The following CRHR1 variants were observed in gnomAD, a reference collection of about 807,000 sequenced individuals.
CRHR1 encodes the protein corticotropin releasing hormone receptor 1, also known as corticotropin-releasing hormone receptor 1.
Under a neutral mutation model 56.0 loss-of-function variants are expected in CRHR1, and 28 were observed. The ratio of observed to expected loss-of-function variants is 0.50; its 90% CI spans 0.37 to 0.69. The LOEUF (loss-of-function observed/expected upper bound fraction) is 0.69. CRHR1 is among the 30% of genes least tolerant of loss of function. The probability of loss-of-function intolerance (pLI) is 0.00; values close to 1 mark genes in which losing one functional copy is unlikely to be tolerated. For synonymous variants in CRHR1, 195 were observed against 216.5 expected, an observed-to-expected ratio of 0.90 and a Z score of 0.87; for missense variants, 376 against 548.0, an observed-to-expected ratio of 0.69 and a Z score of 3.13.
intron 1 of CRHR1, among the ~76,000 whole-genome samples, chr17:45,794,360 G>C (rs376029045): frequency 6.6e-6 from 1 of 152,328 alleles, no homozygotes; most frequent in East Asian, 1.9e-4. Flanking sequence ...TTGACCAGTC[G>C]GACCAGTCCT....
rs750973810 is a variant in CRHR1 at position 45,835,110 on chromosome 17, G to C, written c.*346G>C. On this transcript the variant is annotated 3_prime_UTR_variant, in exon 13 of 13. Coordinates refer to ENST00000314537, the MANE Select transcript of CRHR1 (RefSeq NM_004382.5). Reference sequence around the variant, plus strand: ...CTGTCTTCTCCCAGAGCACAAGAAGGCCAGCCCACTGGGCCCTGGGGCTGC... The same window carrying C: ...CTGTCTTCTCCCAGAGCACAAGAAGCCCAGCCCACTGGGCCCTGGGGCTGC... The C allele has an allele frequency of 1.4e-5, 4 of 289,828 alleles. No individual in the cohort carries two copies. Among genetic ancestry groups the C allele is most frequent in the Non-Finnish European group, 2.6e-5 (4 of 155,444 alleles). The allele number at this position is 289,828 out of a possible 1,614,324, so 18.0% of individuals were successfully genotyped here.
intron 1 of CRHR1, among the ~76,000 whole-genome samples, chr17:45,804,676 A>G (rs2061687900): frequency 6.6e-6 from 1 of 152,032 alleles, no homozygotes; most frequent in African/African-American, 2.4e-5. Flanking sequence ...TCCAGGGAAG[A>G]GAGGATGGAC....
In CRHR1 at chr17:45,833,545, G is replaced by A; in HGVS notation, c.929+8G>A. 6.2e-7 allele frequency: 1 copy of A among 1,613,518 alleles called. No individual in the cohort carries two copies. Among genetic ancestry groups the A allele is most frequent in the Non-Finnish European group, 8.5e-7 (1 of 1,179,680 alleles). ...TGAGACCATTCAGTACAGGTAACCG[G>A]GTACCACCTTCCTCAGGCCTCCCCC... On this transcript the variant is annotated splice_region_variant and intron_variant, in intron 10 of 12. Coordinates refer to ENST00000314537, the MANE Select transcript of CRHR1 (RefSeq NM_004382.5).
At chr17:45,833,693 T>TGGGGGGGGGGGGGCC in intron 10 of CRHR1, 21 bp from the exon 11 acceptor site, 13 of 1,571,586 alleles carry the variant, frequency 8.3e-6, no homozygotes, top group East Asian at 2.3e-5. Flanking sequence ...ACTCCGAGCC[T>TGGGGGGGGGGGGGCC]CCCCACCCGC....
intron 1 of CRHR1, among the ~76,000 whole-genome samples, chr17:45,787,982 G>T (rs2146250973): frequency 6.6e-6 from 1 of 152,368 alleles, no homozygotes; most frequent in South Asian, 2.1e-4. Flanking sequence ...ATAGAGAGGA[G>T]TGTGTAGATT....
intron 1 of CRHR1, among the ~76,000 whole-genome samples, chr17:45,795,151 G>T (rs995965720): frequency 6.6e-6 from 1 of 152,148 alleles, no homozygotes; most frequent in Non-Finnish European, 1.5e-5. Context: ...CCACCAGTCC[G>T]CTGCCTTCAG....
intron 1 of CRHR1, among the ~76,000 whole-genome samples, chr17:45,798,421 G>A (rs1392013746): frequency 6.6e-6 from 1 of 151,974 alleles, no homozygotes; most frequent in East Asian, 1.9e-4. Context: ...AGCTACTCAG[G>A]AGGCTGAGGC....
rs1320623279 is a variant in CRHR1, at chr17:45,815,367, C to T, written c.122-1096C>T. Among the ~76,000 whole-genome samples, 7 of 152,320 alleles carry T rather than the reference C, an allele frequency of 4.6e-5. No homozygotes were observed. The East Asian group carries it at 1.4e-3, about 29-fold the overall frequency. The stretch of plus-strand genomic sequence containing the variant: ...CCCTTTGGAGGCCATATCCACCCTC[C>T]CCTCCTGAAGTGTCACTGGGCCTCA... On this transcript the variant is annotated intron_variant, in intron 2 of 12. Coordinates refer to ENST00000314537, the MANE Select transcript of CRHR1 (RefSeq NM_004382.5).
chr17:45,790,329 G>A (rs1227720129), intron 1 of CRHR1, among the ~76,000 whole-genome samples: 3 of 152,224 alleles, frequency 2.0e-5, no homozygotes, highest in Admixed American at 6.5e-5. Flanking sequence ...TTCTGAGTAT[G>A]TGGTATCCGC....
At chr17:45,833,693 T>TGGGGGGGGCCCCCCCCCC in intron 10 of CRHR1, 21 bp from the exon 11 acceptor site, 2 of 1,571,612 alleles carry the variant, frequency 1.3e-6, no homozygotes, top group Non-Finnish European at 1.7e-6. Flanking sequence ...ACTCCGAGCC[T>TGGGGGGGGCCCCCCCCCC]CCCCACCCGC....
chr17:45,810,353 G>A (rs2061799076), intron 2 of CRHR1, among the ~76,000 whole-genome samples: 1 of 152,176 alleles, frequency 6.6e-6, no homozygotes, highest in Non-Finnish European at 1.5e-5. Context: ...GCCATTCCAA[G>A]TGCTTTAATC....
intron 1 of CRHR1, among the ~76,000 whole-genome samples, chr17:45,803,057 T>G (rs2061653049): frequency 6.6e-6 from 1 of 152,066 alleles, no homozygotes; most frequent in Non-Finnish European, 1.5e-5. Flanking sequence ...CTGAGCTGCT[T>G]TGCTTTGGAG....
In CRHR1 at chr17:45,816,637, G is replaced by A. The variant is rs1447212239; in HGVS notation, c.241+55G>A. ...GCTGGGAGGTGGGACAGGATGGGGA[G>A]AGCTTGGAGGTGGGGGAAGGAAGAA... On this transcript the variant is annotated intron_variant, in intron 3 of 12. Coordinates refer to ENST00000314537, the MANE Select transcript of CRHR1 (RefSeq NM_004382.5). 4.4e-6 allele frequency: 7 copies of A among 1,608,370 alleles called. No individual in the cohort carries two copies. In the Admixed American group the frequency reaches 1.2e-4, roughly 27 times the overall value.
chr17:45,786,250 C>A (rs1421395179), intron 1 of CRHR1, among the ~76,000 whole-genome samples: 1 of 148,772 alleles, frequency 6.7e-6, no homozygotes, highest in Non-Finnish European at 1.5e-5. Context: ...TTTTTATTTC[C>A]TTTGTTCCTA....
At chr17:45,798,053 G>A (rs2146281929) in intron 1 of CRHR1, among the ~76,000 whole-genome samples, 1 of 152,194 alleles carries the variant, frequency 6.6e-6, no homozygotes, top group Non-Finnish European at 1.5e-5. Flanking sequence ...GAATAGAGAG[G>A]AAAATGAGAA....
chr17:45,833,214 AGAACCTGGGTAGGGGCAGGAGACAG>A lies in CRHR1; in HGVS notation c.843+6_843+30del. On this transcript the variant is annotated splice_donor_5th_base_variant and intron_variant, in intron 9 of 12. Transcript: ENST00000314537. ...CCCCATGATCCTGGTCCTGCTGGTAAGAACCTGGGTAGGGGCAGGAGACAGGGCCCAGTGGGGAGGGGCAATCAGT... is the reference window on the plus strand; with the variant it reads ...CCCCATGATCCTGGTCCTGCTGGTAAGGCCCAGTGGGGAGGGGCAATCAGT... 6.2e-7 allele frequency: 1 copy of A among 1,614,036 alleles called. No homozygotes were observed. The highest frequency in any genetic ancestry group is 1.3e-5 in the African/African-American group (1 of 75,046).
chr17:45,797,442 C>T (rs1196185976), intron 1 of CRHR1, among the ~76,000 whole-genome samples: 1 of 152,014 alleles, frequency 6.6e-6, no homozygotes, highest in African/African-American at 2.4e-5. Flanking sequence ...AGGCGCCCGC[C>T]ACCACGCCCA....
chr17:45,808,101 C>T (rs534186316), intron 2 of CRHR1, among the ~76,000 whole-genome samples: 1 of 152,186 alleles, frequency 6.6e-6, no homozygotes, highest in African/African-American at 2.4e-5. Context: ...CATGAAGCAC[C>T]TACTACACAG....
chr17:45,801,799 G>A (rs1004780412), intron 1 of CRHR1, among the ~76,000 whole-genome samples: 1 of 152,182 alleles, frequency 6.6e-6, no homozygotes, highest in African/African-American at 2.4e-5. Context: ...AAGCACTTTG[G>A]TTTGATTTCA....
Sources: gnomAD v4.1 joint callset for allele counts (sites outside exome capture counted in the v4.1 genomes callset) on GRCh38, gnomAD v4.1.1 for gene constraint, MANE v1.5 for transcripts, NCBI Gene and HGNC (gene_info 2026-07-23, HGNC 2026-07-21) for gene names.